ATXN1: variants seen among roughly 807,000 people sequenced by gnomAD.
ATXN1 encodes ataxin 1.
A neutral mutation model predicts 56.4 loss-of-function variants in ATXN1; 8 were observed. That is an observed-to-expected ratio of 0.14 (90% confidence interval 0.08 to 0.26). The LOEUF (loss-of-function observed/expected upper bound fraction) is 0.26. Among genes scored for constraint, ATXN1 ranks in the 10% least tolerant of loss-of-function variants. The pLI is 1.00. For synonymous variants in ATXN1, 514 were observed against 494.6 expected (o/e 1.04, Z -0.52); for missense variants, 987 against 1,106.5 (o/e 0.89, Z 1.53).
chr6:16,587,016 C>CA (rs71656942), intron 3 of ATXN1, among the ~76,000 whole-genome samples: 12,010 of 141,988 alleles, frequency 0.085, 856 homozygotes, highest in African/African-American at 0.21. Context: ...GACTCTGTCT[C>CA]AAAAAAAAAA....
At chr6:16,564,304 G>A (rs929110302) in intron 4 of ATXN1, among the ~76,000 whole-genome samples, 2 of 122,536 alleles carry the variant, frequency 1.6e-5, no homozygotes, top group African/African-American at 9.0e-5. Flanking sequence ...GCGAACAAAT[G>A]TGTAAAATGA....
chr6:16,593,014 G>A (rs1176691075), intron 3 of ATXN1, among the ~76,000 whole-genome samples: 1 of 152,142 alleles, frequency 6.6e-6, no homozygotes, highest in East Asian at 1.9e-4. Flanking sequence ...ATTTTACAAA[G>A]TACTGATTGG....
At chr6:16,421,798 A>T (rs915219364) in intron 6 of ATXN1, among the ~76,000 whole-genome samples, 1 of 152,126 alleles carries the variant, frequency 6.6e-6, no homozygotes, top group Non-Finnish European at 1.5e-5. Flanking sequence ...ATATGCATAC[A>T]TGTGTGCAGG....
chr6:16,312,718 T>C (rs1208060399), intron 7 of ATXN1, among the ~76,000 whole-genome samples: 1 of 152,084 alleles, frequency 6.6e-6, no homozygotes, highest in African/African-American at 2.4e-5. Context: ...CATTATGACC[T>C]GACCAAGGAC....
chr6:16,563,086 G>T (rs1442911747), intron 4 of ATXN1, among the ~76,000 whole-genome samples: 1 of 152,002 alleles, frequency 6.6e-6, no homozygotes, highest in Admixed American at 6.5e-5. Context: ...CTGTGAGACA[G>T]GAGCAACGGA....
intron 3 of ATXN1, among the ~76,000 whole-genome samples, chr6:16,640,202 A>G (rs1393323209): frequency 6.6e-6 from 1 of 152,118 alleles, no homozygotes; most frequent in Non-Finnish European, 1.5e-5. Context: ...GCGCTGTTAT[A>G]TCTGTTATGG....
chr6:16,314,664 G>A (rs1393971314), intron 7 of ATXN1, among the ~76,000 whole-genome samples: 1 of 151,790 alleles, frequency 6.6e-6, no homozygotes, highest in Non-Finnish European at 1.5e-5. Context: ...TGCCCAGGCT[G>A]GAATGTAGTG....
At chr6:16,619,435 A>G (rs1763278550) in intron 3 of ATXN1, among the ~76,000 whole-genome samples, 1 of 152,212 alleles carries the variant, frequency 6.6e-6, no homozygotes, top group African/African-American at 2.4e-5. Flanking sequence ...TCTATGAGTG[A>G]TGTAAAACTT....
intron 2 of ATXN1, chr6:16,738,729 T>A (rs774388136): frequency 1.1e-4 from 17 of 152,378 alleles, no homozygotes; most frequent in Admixed American, 5.2e-4. Context: ...CTATTTGTTG[T>A]AACACTAGCC....
intron 2 of ATXN1, among the ~76,000 whole-genome samples, chr6:16,721,455 C>T (rs527575820): frequency 1.3e-5 from 2 of 152,122 alleles, no homozygotes; most frequent in South Asian, 4.2e-4. Flanking sequence ...AGTGAGACCT[C>T]GTCTCTACAA....
At position 16,567,353 on chromosome 6, in the gene ATXN1, G is replaced by A. The variant is rs181169141; in HGVS notation, c.-361+18427C>T. ...CTGCAGTACTGTTTTAAACAGAAGG[G>A]AAAGACCATTAAACATGACTGGTAT... On this transcript the variant is annotated intron_variant, in intron 4 of 7. Transcript: ENST00000436367. 2.0e-5 allele frequency among the ~76,000 whole-genome samples: 3 copies of A among 152,284 alleles called. No individual in the cohort carries two copies. In the East Asian group the frequency reaches 5.8e-4, roughly 29 times the overall value.
At chr6:16,526,778 A>AG (rs1460263025) in intron 4 of ATXN1, among the ~76,000 whole-genome samples, 2 of 151,856 alleles carry the variant, frequency 1.3e-5, no homozygotes, top group East Asian at 1.9e-4. Context: ...AAAAAAAAAA[A>AG]AAAGAATATT....
intron 6 of ATXN1, among the ~76,000 whole-genome samples, chr6:16,373,672 T>C (rs1441576450): frequency 6.6e-6 from 1 of 152,222 alleles, no homozygotes; most frequent in Non-Finnish European, 1.5e-5. Context: ...CGAGATCTGA[T>C]TGTTTTATAA....
Position 16,327,922 on chromosome 6 carries a change from A to C in ATXN1, c.389T>G (p.Ile130Ser), listed in dbSNP as rs746993452. The stretch of plus-strand genomic sequence containing the variant: ...GGTTCCACTGTATTGGGAGGACCCA[A>C]TGAACTGGAAGGTGTGCGGCAGGTG... ...YAHLPHTFQF[I>S]GSSQYSGTYA... Residue 130 changes from isoleucine (I) to serine (S), a missense_variant, in exon 7 of 8, where the codon ATT becomes AGT. Physicochemically the swap from Ile to Ser is moderately radical, Grantham distance 142. This residue lies in a region of ATXN1 where 723 missense variants were observed against 791.7 expected (regional missense o/e 0.91). Coordinates refer to ENST00000436367, the MANE Select transcript of ATXN1 (RefSeq NM_001128164.2). 1.9e-6 allele frequency: 3 copies of C among 1,610,700 alleles called. No homozygotes were observed. Among genetic ancestry groups the C allele is most frequent in the Non-Finnish European group, 2.5e-6 (3 of 1,179,920 alleles).
At chr6:16,685,024 C>A (rs1440936530) in intron 2 of ATXN1, among the ~76,000 whole-genome samples, 3 of 151,920 alleles carry the variant, frequency 2.0e-5, no homozygotes, top group Non-Finnish European at 4.4e-5. Context: ...ACAGACAACA[C>A]ACACACACAC....
At chr6:16,704,465 C>G (rs1581380239) in intron 2 of ATXN1, among the ~76,000 whole-genome samples, 2 of 131,554 alleles carry the variant, frequency 1.5e-5, no homozygotes, top group East Asian at 6.0e-4. Context: ...CAGGGACTGC[C>G]ATAATTTGAG....
chr6:16,521,029 A>G (rs531862584), intron 5 of ATXN1, among the ~76,000 whole-genome samples: 16 of 152,234 alleles, frequency 1.1e-4, no homozygotes, highest in African/African-American at 3.9e-4. Flanking sequence ...CCCTTTGACC[A>G]CTCCCTAGGT....
Position 16,326,739 on chromosome 6 carries a change from G to T in ATXN1, c.1572C>A (p.Thr524=). 6.2e-7 allele frequency: 1 copy of T among 1,613,704 alleles called. No homozygotes were observed. Among genetic ancestry groups the T allele is most frequent in the Non-Finnish European group, 8.5e-7 (1 of 1,179,986 alleles). Residue 524 remains threonine (T), a synonymous_variant, in exon 7 of 8, where the codon ACC becomes ACA. Transcript: ENST00000436367. The surrounding 1 kb of genome is among the most constrained non-coding windows in gnomAD (Gnocchi z 6.6). ...QFAAVPHTFV[T]TALPKSENFN... ...AGTTCTCGCTCTTGGGAAGGGCGGTGGTGACGAACGTGTGAGGCACTGCAG... is the reference window on the plus strand; with the variant it reads ...AGTTCTCGCTCTTGGGAAGGGCGGTTGTGACGAACGTGTGAGGCACTGCAG...
intron 2 of ATXN1, chr6:16,738,805 T>C (rs1760227393): frequency 6.6e-6 from 1 of 152,226 alleles, no homozygotes; most frequent in African/African-American, 2.4e-5. Context: ...TAAACATGAA[T>C]TCAATTTTCT....
Sources: allele counts gnomAD v4.1 joint callset (sites outside exome capture counted in the v4.1 genomes callset), GRCh38; gene constraint gnomAD v4.1.1; regional missense constraint gnomAD v4.1.1; non-coding constraint Gnocchi (gnomAD v3.1); transcripts MANE v1.5; gene names NCBI Gene and HGNC (gene_info 2026-07-23, HGNC 2026-07-21).